Variants in AMPH observed in about 807,000 individuals in gnomAD.
AMPH encodes amphiphysin (Stiff-Mann syndrome with breast cancer 128kD autoantigen).
In AMPH, 49 loss-of-function variants were observed where a neutral mutation model predicts 99.1. The observed-to-expected ratio is 0.49, with a 90% CI of 0.39 to 0.63. AMPH has a LOEUF of 0.63. Among genes scored for constraint, AMPH ranks in the 20% least tolerant of loss-of-function variants. The pLI is 0.00. For synonymous variants in AMPH, 314 were observed against 317.3 expected (o/e 0.99, Z 0.11); for missense variants, 759 against 863.4 (o/e 0.88, Z 1.52).
chr7:38,433,741 AAAAAAG>A (rs1371145486), intron 12 of AMPH, among the ~76,000 whole-genome samples: 5 of 148,466 alleles, frequency 3.4e-5, no homozygotes, highest in African/African-American at 1.3e-4. Flanking sequence ...AAAAAAAAAA[AAAAAAG>A]AATCAAAGAT....
chr7:38,463,080 T>C lies in AMPH; in HGVS notation c.783A>G (p.Pro261=), dbSNP rs62001875. 9.9e-3 allele frequency: 16,007 copies of C among 1,612,892 alleles called. 1,317 individuals carry two copies. The African/African-American group carries it at 0.19, about 19-fold the overall frequency. The stretch of plus-strand genomic sequence containing the variant: ...GGGGTGAAGGCTCCTCAGGCGGTGA[T>C]GGTGTCTTTGCAATGCGGAGAGGAC... ...DSGPLRIAKT[P]SPPEEPSPLP... The change falls in exon 10 of 21, where the codon CCA becomes CCG. Residue 261 remains proline, a synonymous_variant. Coordinates refer to ENST00000356264, the MANE Select transcript of AMPH (RefSeq NM_001635.4).
intron 3 of AMPH, among the ~76,000 whole-genome samples, chr7:38,495,571 A>AT (rs1788900237): frequency 1.3e-5 from 2 of 151,194 alleles, no homozygotes; most frequent in Admixed American, 1.3e-4. Flanking sequence ...CAGTGTACAA[A>AT]TTCCATACGG....
intron 1 of AMPH, among the ~76,000 whole-genome samples, chr7:38,592,626 G>C (rs1220682802): frequency 1.3e-5 from 2 of 151,914 alleles, no homozygotes; most frequent in African/African-American, 4.8e-5. Flanking sequence ...AGCTACTTGG[G>C]AGGCTGAGAC....
chr7:38,600,871 G>T (rs1793221552), intron 1 of AMPH, among the ~76,000 whole-genome samples: 1 of 152,182 alleles, frequency 6.6e-6, no homozygotes, highest in African/African-American at 2.4e-5. Context: ...TTAAGACACT[G>T]TTATAAAGTG....
In AMPH at chr7:38,424,119, G is replaced by GA. The variant is rs554241495; in HGVS notation, c.1216-1643dup. On this transcript the variant is annotated intron_variant, in intron 15 of 20. Transcript: ENST00000356264. ...CCTGGGAAATCTGGCCAGCCCAAAGGAAAAAAAATGCCTAAAGAATCTGAC... is the reference window on the plus strand; with the variant it reads ...CCTGGGAAATCTGGCCAGCCCAAAGGAAAAAAAAATGCCTAAAGAATCTGAC... Among the ~76,000 whole-genome samples, 305 of 151,754 alleles carry GA rather than the reference G, an allele frequency of 2.0e-3. 1 individual carries two copies. The highest frequency in any genetic ancestry group is 6.7e-3 in the African/African-American group (278 of 41,418).
chr7:38,543,513 T>C (rs1054250791), intron 1 of AMPH, among the ~76,000 whole-genome samples: 2 of 152,230 alleles, frequency 1.3e-5, no homozygotes, highest in Non-Finnish European at 2.9e-5. Context: ...ATTTATTAGC[T>C]ATGACCTATG....
In AMPH at chr7:38,624,982, A is replaced by G. The variant is rs187842616; in HGVS notation, c.69+6301T>C. On this transcript the variant is annotated intron_variant, in intron 1 of 20. Transcript: ENST00000356264. ...AAGTGTGCCTATACAGGAACAACCA[A>G]TGAAAAAGCAACCAATTATCACCAC... Among the ~76,000 whole-genome samples the G allele has an allele frequency of 1.5e-3, 230 of 152,308 alleles. 1 individual carries two copies. Among genetic ancestry groups the G allele is most frequent in the Non-Finnish European group, 2.5e-3 (172 of 68,028 alleles).
intron 1 of AMPH, among the ~76,000 whole-genome samples, chr7:38,616,326 C>A (rs552355069): frequency 1.3e-5 from 2 of 152,228 alleles, no homozygotes; most frequent in East Asian, 3.9e-4. Context: ...GAAAAAAATA[C>A]AACTCAGCGA....
At chr7:38,540,753 C>T (rs546072640) in intron 1 of AMPH, among the ~76,000 whole-genome samples, 7 of 108,828 alleles carry the variant, frequency 6.4e-5, no homozygotes, top group African/African-American at 2.1e-4. Flanking sequence ...GGGCAGTTGA[C>T]GAGAGGAAAG....
chr7:38,428,105 C>G (rs1358430995), intron 14 of AMPH: 1 of 456,762 alleles, frequency 2.2e-6, no homozygotes. Flanking sequence ...CTGAATGTGT[C>G]CAGCTATTAT....
At chr7:38,561,978 T>TG (rs566927707) in intron 1 of AMPH, among the ~76,000 whole-genome samples, 51 of 150,868 alleles carry the variant, frequency 3.4e-4, no homozygotes, top group African/African-American at 3.2e-4. Context: ...TTTTTTTTTT[T>TG]TTGTTATGGC....
Position 38,575,736 on chromosome 7 carries a change from A to T in AMPH, c.70-40725T>A, listed in dbSNP as rs146853408. Among the ~76,000 whole-genome samples, 587 of 152,282 alleles carry T rather than the reference A, an allele frequency of 3.9e-3. 6 individuals are homozygous for T. Among genetic ancestry groups the T allele is most frequent in the African/African-American group, 0.013 (556 of 41,558 alleles). On this transcript the variant is annotated intron_variant, in intron 1 of 20. Coordinates refer to ENST00000356264, the MANE Select transcript of AMPH (RefSeq NM_001635.4). Reference sequence around the variant, plus strand: ...TCCTACAAATTACCCAGTCTTGGGCAGTTCTTTATAGCAGCATGAAAATGG... The same window carrying T: ...TCCTACAAATTACCCAGTCTTGGGCTGTTCTTTATAGCAGCATGAAAATGG...
intron 13 of AMPH, among the ~76,000 whole-genome samples, chr7:38,430,662 A>G (rs1785977867): frequency 6.6e-6 from 1 of 152,262 alleles, no homozygotes; most frequent in Admixed American, 6.5e-5. Flanking sequence ...CTCCAAGGAA[A>G]TTAACACAGA....
intron 15 of AMPH, among the ~76,000 whole-genome samples, chr7:38,424,177 G>A (rs1785697916): frequency 6.6e-6 from 1 of 152,156 alleles, no homozygotes; most frequent in Admixed American, 6.5e-5. Context: ...AGATAAGCCA[G>A]AAAGTCCTGC....
chr7:38,526,427 G>A (rs1790189373), intron 2 of AMPH, among the ~76,000 whole-genome samples: 1 of 119,062 alleles, frequency 8.4e-6, no homozygotes, highest in African/African-American at 3.3e-5. Context: ...CCACTACCAT[G>A]CCCGGCTTTT....
chr7:38,558,984 A>G (rs1791465625), intron 1 of AMPH, among the ~76,000 whole-genome samples: 1 of 152,246 alleles, frequency 6.6e-6, no homozygotes, highest in Admixed American at 6.5e-5. Context: ...AAACAGTGAG[A>G]CATAAGGAAA....
chr7:38,588,765 G>T (rs1418236180), intron 1 of AMPH, among the ~76,000 whole-genome samples: 1 of 151,994 alleles, frequency 6.6e-6, no homozygotes, highest in Non-Finnish European at 1.5e-5. Context: ...ATTAGAACTG[G>T]CTTTGATTCT....
chr7:38,462,146 T>C (rs1213664617), intron 10 of AMPH, among the ~76,000 whole-genome samples: 1 of 152,234 alleles, frequency 6.6e-6, no homozygotes, highest in Admixed American at 6.5e-5. Flanking sequence ...ACACAAGATA[T>C]TCAACACGGT....
chr7:38,526,704 C>T (rs1790205270), intron 2 of AMPH, among the ~76,000 whole-genome samples: 1 of 152,070 alleles, frequency 6.6e-6, no homozygotes, highest in Admixed American at 6.6e-5. Context: ...AATATTTTCT[C>T]CCAGTCCATA....
Sources: allele counts gnomAD v4.1 joint callset (sites outside exome capture counted in the v4.1 genomes callset), GRCh38; gene constraint gnomAD v4.1.1; transcripts MANE v1.5; gene names NCBI Gene and HGNC (gene_info 2026-07-23, HGNC 2026-07-21).